The following TGM7 variants were observed in gnomAD, a reference collection of about 807,000 sequenced individuals.
TGM7 encodes the protein protein-glutamine gamma-glutamyltransferase Z.
TGM7 carries 74 observed loss-of-function variants against 79.5 expected under a neutral mutation model. That is an observed-to-expected ratio of 0.93 (90% confidence interval 0.77 to 1.13). The LOEUF is 1.13. Ranked by LOEUF, TGM7 falls within the 50% of genes most tolerant of loss-of-function variation. The pLI is 0.00. For synonymous variants in TGM7, 354 were observed against 362.5 expected, an observed-to-expected ratio of 0.98 and a Z score of 0.27; for missense variants, 912 against 905.9, an observed-to-expected ratio of 1.01 and a Z score of -0.09.
chr15:43,284,642 C>A (rs773930712), intron 7 of TGM7, among the ~76,000 whole-genome samples, 172 bp downstream of exon 7: 2 of 152,226 alleles, frequency 1.3e-5, no homozygotes, highest in Non-Finnish European at 2.9e-5. Flanking sequence ...AATTTGATGA[C>A]CTAATTAGCC....
At chr15:43,293,243 G>A (rs1362615813) in intron 2 of TGM7, among the ~76,000 whole-genome samples, 1 of 152,194 alleles carries the variant, frequency 6.6e-6, no homozygotes, top group Admixed American at 6.5e-5. Context: ...CAGGTCGGTT[G>A]TTAACTGCCA....
Position 43,279,376 on chromosome 15 carries a change from A to G in TGM7, c.1679-99T>C, listed in dbSNP as rs2042894561. 3.7e-6 allele frequency: 5 copies of G among 1,367,922 alleles called. No individual in the cohort carries two copies. The South Asian group carries it at 5.4e-5, about 15-fold the overall frequency. The allele number at this position is 1,367,922 out of a possible 1,614,324, so 84.7% of individuals were successfully genotyped here. ...GGAAAAATTAGAATTTTCACGTGAGAGGTAAAAGTGTGTGTGAGAGACAGA... is the reference window on the plus strand; with the variant it reads ...GGAAAAATTAGAATTTTCACGTGAGGGGTAAAAGTGTGTGTGAGAGACAGA... On this transcript the variant is annotated intron_variant, in intron 10 of 12. Coordinates refer to ENST00000452443, the MANE Select transcript of TGM7 (RefSeq NM_052955.3).
intron 9 of TGM7, among the ~76,000 whole-genome samples, chr15:43,280,857 AAAG>A (rs757582428): frequency 4.6e-5 from 7 of 152,222 alleles, no homozygotes; most frequent in Non-Finnish European, 1.0e-4. Flanking sequence ...GAGAAGGAGA[AAAG>A]AAGAGAAGAA....
intron 1 of TGM7, among the ~76,000 whole-genome samples, chr15:43,300,411 C>T (rs2043019873): frequency 6.6e-6 from 1 of 152,220 alleles, no homozygotes; most frequent in Non-Finnish European, 1.5e-5. Flanking sequence ...CAGTTTGACT[C>T]TAGAACCTAG....
At position 43,292,690 on chromosome 15, in the gene TGM7, A is replaced by G. The variant is rs547797851; in HGVS notation, c.439+19T>C. Reference sequence around the variant, plus strand: ...CCCAATGGATCAGGTTAGCAATACAAGCTGTGGGCACATCCTACCTGGACT... The same window carrying G: ...CCCAATGGATCAGGTTAGCAATACAGGCTGTGGGCACATCCTACCTGGACT... On this transcript the variant is annotated intron_variant, in intron 3 of 12. Transcript: ENST00000452443. 6.2e-7 allele frequency: 1 copy of G among 1,612,848 alleles called. No homozygotes were observed. Among genetic ancestry groups the G allele is most frequent in the South Asian group, 1.1e-5 (1 of 91,042 alleles).
Position 43,276,615 on chromosome 15 carries a change from C to T in TGM7, c.1974-1G>A, listed in dbSNP as rs778510944. The T allele has an allele frequency of 6.2e-7, 1 of 1,612,152 alleles. No homozygotes were observed. Among genetic ancestry groups the T allele is most frequent in the South Asian group, 1.1e-5 (1 of 90,792 alleles). ...GTGTCCGGCCACCAGAGTCCCAAGGCTGAAAGTCAGAAACAGCCTGTGAGA... is the reference window on the plus strand; with the variant it reads ...GTGTCCGGCCACCAGAGTCCCAAGGTTGAAAGTCAGAAACAGCCTGTGAGA... On this transcript the variant is annotated splice_acceptor_variant, in intron 12 of 12. Coordinates refer to ENST00000452443, the MANE Select transcript of TGM7 (RefSeq NM_052955.3). LOFTEE classifies it high-confidence loss of function.
chr15:43,292,688 C>A (rs1164519115), intron 3 of TGM7, 21 bp downstream of exon 3: 1 of 1,612,636 alleles, frequency 6.2e-7, no homozygotes, highest in East Asian at 2.2e-5. Flanking sequence ...GTTAGCAATA[C>A]AAGCTGTGGG....
chr15:43,287,792 G>C, intron 4 of TGM7, 123 bp from the exon 5 acceptor site: 1 of 1,139,754 alleles, frequency 8.8e-7, no homozygotes, highest in Non-Finnish European at 1.2e-6. Flanking sequence ...GGGGGAGGGC[G>C]CTAAATATAA....
chr15:43,279,177 T>G lies in TGM7; in HGVS notation c.1779A>C (p.Thr593=). 1.2e-6 allele frequency: 2 copies of G among 1,614,156 alleles called. No homozygotes were observed. The highest frequency in any genetic ancestry group is 1.7e-4 in the Middle Eastern group (1 of 6,048). Residue 593 remains threonine (T), a synonymous_variant, in exon 11 of 13, where the codon ACA becomes ACC. Coordinates refer to ENST00000452443, the MANE Select transcript of TGM7 (RefSeq NM_052955.3). ...CTTTTAGGACCAGCATGGACCTCCC[T>G]GTCTCTTCAACCTCCGCGATGCCAG... is the stretch of plus-strand genomic sequence containing the variant. The part of the protein sequence containing the change: ...RVSGIAEVEE[T]GRSMLVLKDI...
chr15:43,292,123 G>A, intron 3 of TGM7, 26 bp from the exon 4 acceptor site: 3 of 1,541,576 alleles, frequency 1.9e-6, no homozygotes, highest in Middle Eastern at 1.7e-4. Context: ...TAGTGGAGGG[G>A]GCAAAACCCC....
intron 1 of TGM7, among the ~76,000 whole-genome samples, chr15:43,299,924 A>G (rs1030075322): frequency 1.3e-5 from 2 of 152,172 alleles, no homozygotes; most frequent in Admixed American, 6.5e-5. Context: ...TTAAAAGTTC[A>G]AGTCCAAACT....
intron 3 of TGM7, 76 bp from the exon 4 acceptor site, chr15:43,292,173 G>T: frequency 2.0e-6 from 2 of 1,003,682 alleles, no homozygotes; most frequent in South Asian, 1.4e-5. Flanking sequence ...AAACAGTAAC[G>T]ACAACGTGTT....
Position 43,299,099 on chromosome 15 carries a change from T to C in TGM7, c.10+3142A>G, listed in dbSNP as rs530294671. ...GTATGTACAAATTATCTTTAGGTGG[T>C]GAAATTATTGGAAATTTTCTTTCCT... On this transcript the variant is annotated intron_variant, in intron 1 of 12. Transcript: ENST00000452443. Among the ~76,000 whole-genome samples, 16 of 152,364 alleles carry C rather than the reference T, an allele frequency of 1.1e-4. 1 individual carries two copies. The highest frequency in any genetic ancestry group is 3.8e-4 in the African/African-American group (16 of 41,590).
chr15:43,282,413 T>G, intron 8 of TGM7, 104 bp downstream of exon 8: 1 of 980,454 alleles, frequency 1.0e-6, no homozygotes, highest in Non-Finnish European at 1.5e-6. Flanking sequence ...GGGAAGAGGG[T>G]GCCGTGGAAA....
chr15:43,296,227 C>T (rs1480277743), intron 1 of TGM7, among the ~76,000 whole-genome samples: 3 of 152,090 alleles, frequency 2.0e-5, no homozygotes, highest in Admixed American at 1.3e-4. Context: ...AGATTGAGAC[C>T]ATCCTGGCTA....
At chr15:43,284,700 C>T in intron 7 of TGM7, 114 bp downstream of exon 7, 1 of 1,269,854 alleles carries the variant, frequency 7.9e-7, no homozygotes, top group Non-Finnish European at 1.1e-6. Flanking sequence ...TGAGCATTAG[C>T]AGCAATGCTC....
rs777313682 is a variant in TGM7 at position 43,276,475 on chromosome 15, T to C, written c.2113A>G (p.Thr705Ala). ...GGGTCTCAGGGAGCCCCAGCCACAG[T>C]GACGAAGATGTCCTTGTAGCCTTTG... ...EIKGYKDIFV[T>A]VAGAP Residue 705 changes from threonine (T) to alanine (A), a missense_variant, in exon 13 of 13, where the codon ACT becomes GCT. Physicochemically the swap from Thr to Ala is moderately conservative, Grantham distance 58. Coordinates refer to ENST00000452443, the MANE Select transcript of TGM7 (RefSeq NM_052955.3). 21 of 1,613,526 alleles carry C rather than the reference T, an allele frequency of 1.3e-5. No individual in the cohort carries two copies. Among genetic ancestry groups the C allele is most frequent in the Non-Finnish European group, 1.7e-5 (20 of 1,179,762 alleles).
At chr15:43,297,290 TAAAAATAC>T (rs1206787791) in intron 1 of TGM7, among the ~76,000 whole-genome samples, 1 of 151,730 alleles carries the variant, frequency 6.6e-6, no homozygotes, top group African/African-American at 2.4e-5. Context: ...CTGTCTCCAC[TAAAAATAC>T]AAAAATTAGC....
chr15:43,298,942 T>C (rs2043013441), intron 1 of TGM7, among the ~76,000 whole-genome samples: 1 of 152,048 alleles, frequency 6.6e-6, no homozygotes, highest in Admixed American at 6.5e-5. Context: ...TTGATTCCTC[T>C]TATCTGATGA....
Sources: gnomAD v4.1 joint callset for allele counts (sites outside exome capture counted in the v4.1 genomes callset) on GRCh38, gnomAD v4.1.1 for gene constraint, MANE v1.5 for transcripts, NCBI Gene and HGNC (gene_info 2026-07-23, HGNC 2026-07-21) for gene names.